The following FRMPD2 variants were observed in gnomAD, a reference collection of about 807,000 sequenced individuals.
FRMPD2 encodes FERM and PDZ domain-containing protein 2.
A neutral mutation model predicts 140.1 loss-of-function variants in FRMPD2; 96 were observed. That is an observed-to-expected ratio of 0.69 (90% confidence interval 0.58 to 0.81). The LOEUF (loss-of-function observed/expected upper bound fraction) is 0.81, where lower values mean the gene tolerates loss of function less well. Among genes scored for constraint, FRMPD2 ranks in the 40% least tolerant of loss-of-function variants. FRMPD2 has a pLI of 0.00. For missense variants in FRMPD2, 1,240 were observed against 1,447.4 expected (o/e 0.86, Z 2.32); for synonymous variants, 449 against 547.6 (o/e 0.82, Z 2.52).
intron 1 of FRMPD2, among the ~76,000 whole-genome samples, chr10:48,259,095 C>A (rs1022451853): frequency 1.1e-4 from 17 of 152,198 alleles, no homozygotes; most frequent in African/African-American, 3.6e-4. Context: ...GGTTCCATGG[C>A]CCCACCTGTC....
chr10:48,198,173 G>T (rs1285631981), intron 15 of FRMPD2, among the ~76,000 whole-genome samples: 1 of 152,134 alleles, frequency 6.6e-6, no homozygotes, highest in African/African-American at 2.4e-5. Flanking sequence ...ATTCATTGTT[G>T]TAAGTTTAAT....
intron 8 of FRMPD2, 77 bp from the exon 9 acceptor site, chr10:48,236,630 C>T: frequency 2.3e-6 from 3 of 1,291,362 alleles, no homozygotes; most frequent in Non-Finnish European, 3.4e-6. Flanking sequence ...CCATGATGCA[C>T]CTCTGCAGCC....
intron 12 of FRMPD2, among the ~76,000 whole-genome samples, chr10:48,216,862 C>T (rs1839462658): frequency 6.6e-6 from 1 of 152,198 alleles, no homozygotes; most frequent in Non-Finnish European, 1.5e-5. Context: ...GAGCACCCTC[C>T]TCCCAGGACT....
At chr10:48,253,026 A>G (rs1389452501) in intron 1 of FRMPD2, among the ~76,000 whole-genome samples, 2 of 152,174 alleles carry the variant, frequency 1.3e-5, no homozygotes, top group African/African-American at 4.8e-5. Flanking sequence ...GTTGCTTATT[A>G]AAGATAAGAA....
intron 20 of FRMPD2, 69 bp downstream of exon 20, chr10:48,184,497 C>T: frequency 2.1e-6 from 2 of 946,874 alleles, no homozygotes. Context: ...GGTCTAGTAC[C>T]TCACAGTAAT....
chr10:48,244,750 G>A, intron 4 of FRMPD2, 34 bp downstream of exon 4: 2 of 1,551,576 alleles, frequency 1.3e-6, no homozygotes, highest in Non-Finnish European at 1.8e-6. Context: ...CAGAGACACA[G>A]CCCGGCAAGA....
chr10:48,234,872 A>C (rs551036295), intron 9 of FRMPD2, among the ~76,000 whole-genome samples: 47 of 152,278 alleles, frequency 3.1e-4, no homozygotes, highest in African/African-American at 1.0e-3. Flanking sequence ...TAAGCACTGC[A>C]CAAGCATCCC....
chr10:48,234,890 C>T (rs778359746), intron 9 of FRMPD2, among the ~76,000 whole-genome samples: 4 of 152,118 alleles, frequency 2.6e-5, no homozygotes, highest in African/African-American at 7.2e-5. Flanking sequence ...CCCTGCAGAG[C>T]GGGGGAAGCT....
At chr10:48,163,286 G>A (rs1208409775) in intron 28 of FRMPD2, 42 bp downstream of exon 28, 1 of 1,380,656 alleles carries the variant, frequency 7.2e-7, no homozygotes, top group Admixed American at 1.7e-5. Flanking sequence ...GCAATGAGAT[G>A]CACACAGTTT....
chr10:48,273,259 T>C (rs535197320), intron 1 of FRMPD2, among the ~76,000 whole-genome samples: 66 of 152,274 alleles, frequency 4.3e-4, no homozygotes, highest in African/African-American at 1.5e-3. Flanking sequence ...CACACCCATA[T>C]TGCTACTAGA....
At chr10:48,264,343 G>T (rs1840646235) in intron 1 of FRMPD2, among the ~76,000 whole-genome samples, 1 of 152,040 alleles carries the variant, frequency 6.6e-6, no homozygotes, top group South Asian at 2.1e-4. Flanking sequence ...AGTTATCTCT[G>T]TTCCGAGATG....
Position 48,221,955 on chromosome 10 carries a change from T to G in FRMPD2, c.1455+358A>C, listed in dbSNP as rs527272594. On this transcript the variant is annotated intron_variant, in intron 12 of 28. Coordinates refer to ENST00000374201, the MANE Select transcript of FRMPD2 (RefSeq NM_001018071.4). ...ATCAATGGATAGATGAATAGGTGGG[T>G]GGGTGGGTGGATGGATGGATGGTTG... Among the ~76,000 whole-genome samples the G allele has an allele frequency of 9.4e-5, 14 of 148,574 alleles. No individual in the cohort carries two copies. The East Asian group carries it at 2.9e-3, about 31-fold the overall frequency.
chr10:48,217,998 C>G (rs1387965488), intron 12 of FRMPD2, among the ~76,000 whole-genome samples: 1 of 152,204 alleles, frequency 6.6e-6, no homozygotes, highest in Non-Finnish European at 1.5e-5. Flanking sequence ...TCTCATAGTT[C>G]TGGGGACTGG....
At chr10:48,161,778 C>G (rs568577720) in intron 28 of FRMPD2, among the ~76,000 whole-genome samples, 2 of 151,684 alleles carry the variant, frequency 1.3e-5, no homozygotes, top group South Asian at 4.2e-4. Context: ...TGAGGCTAGA[C>G]TAGATCATTT....
At chr10:48,265,620 T>G (rs1840664414) in intron 1 of FRMPD2, among the ~76,000 whole-genome samples, 1 of 152,178 alleles carries the variant, frequency 6.6e-6, no homozygotes, top group Non-Finnish European at 1.5e-5. Context: ...GAAGAAAAGT[T>G]CAATATCACT....
intron 13 of FRMPD2, among the ~76,000 whole-genome samples, chr10:48,210,308 T>A (rs1839291347): frequency 6.6e-6 from 1 of 152,202 alleles, no homozygotes; most frequent in Admixed American, 6.5e-5. Flanking sequence ...TTGAAACCGA[T>A]AAAGATTACA....
In FRMPD2 at chr10:48,157,252, T is replaced by A. The variant is rs1338717287; in HGVS notation, c.*70A>T. The A allele has an allele frequency of 1.4e-6, 1 of 700,502 alleles. No individual in the cohort carries two copies. The highest frequency in any genetic ancestry group is 2.7e-6 in the Non-Finnish European group (1 of 376,814). The allele number at this position is 700,502 out of a possible 1,614,324, so 43.4% of individuals were successfully genotyped here. The stretch of plus-strand genomic sequence containing the variant: ...CCCCAAGTTCGCCACACACGCCTCT[T>A]GATTAGAAAGAATAGTCCATGCAAA... On this transcript the variant is annotated 3_prime_UTR_variant, in exon 29 of 29. Coordinates refer to ENST00000374201, the MANE Select transcript of FRMPD2 (RefSeq NM_001018071.4).
At chr10:48,158,090 G>A (rs1228580778) in intron 28 of FRMPD2, among the ~76,000 whole-genome samples, 5 of 150,816 alleles carry the variant, frequency 3.3e-5, no homozygotes, top group Non-Finnish European at 7.4e-5. Flanking sequence ...TTGCCCTCTG[G>A]TTTTGATTCG....
At chr10:48,255,296 G>A (rs983336496) in intron 1 of FRMPD2, among the ~76,000 whole-genome samples, 1 of 152,170 alleles carries the variant, frequency 6.6e-6, no homozygotes, top group Non-Finnish European at 1.5e-5. Flanking sequence ...GGAGCATCCT[G>A]TTTGCCAGGA....
Sources: allele counts gnomAD v4.1 joint callset (sites outside exome capture counted in the v4.1 genomes callset), GRCh38; gene constraint gnomAD v4.1.1; transcripts MANE v1.5; gene names NCBI Gene and HGNC (gene_info 2026-07-23, HGNC 2026-07-21).